The following COL11A1 variants were observed in gnomAD, a reference collection of about 807,000 sequenced individuals.
COL11A1 encodes the protein collagen type XI alpha 1 chain, also known as collagen alpha-1(XI) chain.
Under a neutral mutation model 265.2 loss-of-function variants are expected in COL11A1, and 74 were observed. That is an observed-to-expected ratio of 0.28 (90% CI 0.23 to 0.34). COL11A1 has a LOEUF of 0.34. Among genes scored for constraint, COL11A1 ranks in the 10% least tolerant of loss-of-function variants. The pLI is 1.00. For synonymous variants in COL11A1, 816 were observed against 727.6 expected, an observed-to-expected ratio of 1.12 and a Z score of -1.96; for missense variants, 2,165 against 2,263.6, an observed-to-expected ratio of 0.96 and a Z score of 0.88.
intron 4 of COL11A1, among the ~76,000 whole-genome samples, chr1:103,048,720 T>C (rs1426130374): frequency 6.6e-6 from 1 of 152,208 alleles, no homozygotes; most frequent in Non-Finnish European, 1.5e-5. Context: ...TTTCCTGCTT[T>C]CTCTTGTGGG....
intron 1 of COL11A1, among the ~76,000 whole-genome samples, chr1:103,103,743 T>C (rs1674476673): frequency 2.1e-5 from 1 of 48,602 alleles, no homozygotes. Context: ...GTAATAGTTG[T>C]TGATTGCACA....
intron 41 of COL11A1, among the ~76,000 whole-genome samples, chr1:102,947,403 G>A (rs2615988): frequency 0.012 from 1,877 of 151,716 alleles, 44 homozygotes; most frequent in African/African-American, 0.043. Flanking sequence ...GCTGAACCAA[G>A]GTTTCAAAAT....
At position 102,979,115 on chromosome 1, in the gene COL11A1, C is replaced by A. The variant is rs773094275; in HGVS notation, c.2611-11G>T. The A allele has an allele frequency of 6.2e-7, 1 of 1,613,714 alleles. No individual in the cohort carries two copies. Among genetic ancestry groups the A allele is most frequent in the Admixed American group, 1.7e-5 (1 of 60,000 alleles). Reference sequence around the variant, plus strand: ...TTTGCCAGCTACTCCCTAGCAAAGACAGTTCAATTTCAATATGCAGTATAT... The same window carrying A: ...TTTGCCAGCTACTCCCTAGCAAAGAAAGTTCAATTTCAATATGCAGTATAT... On this transcript the variant is annotated splice_polypyrimidine_tract_variant and intron_variant, in intron 32 of 66. Transcript: ENST00000370096.
At chr1:102,946,443 A>G (rs1295787197) in intron 42 of COL11A1, among the ~76,000 whole-genome samples, 1 of 152,104 alleles carries the variant, frequency 6.6e-6, no homozygotes, top group Non-Finnish European at 1.5e-5. Flanking sequence ...AAGGGCAGCT[A>G]TTTTCTATGA....
intron 4 of COL11A1, among the ~76,000 whole-genome samples, chr1:103,062,405 T>C (rs540282581): frequency 6.6e-5 from 10 of 152,026 alleles, no homozygotes; most frequent in African/African-American, 2.4e-4. Flanking sequence ...ATATCTCTCA[T>C]GAACATAAAT....
chr1:103,052,176 C>G (rs116123528), intron 4 of COL11A1, among the ~76,000 whole-genome samples: 1 of 151,912 alleles, frequency 6.6e-6, no homozygotes, highest in Non-Finnish European at 1.5e-5. Flanking sequence ...TTATTTGAAC[C>G]AATATTCAAC....
intron 42 of COL11A1, 122 bp from the exon 43 acceptor site, chr1:102,940,556 G>C: frequency 1.4e-6 from 1 of 729,328 alleles, no homozygotes; most frequent in Non-Finnish European, 2.3e-6. Context: ...ACATTTTAAA[G>C]AATAAATGAT....
intron 1 of COL11A1, among the ~76,000 whole-genome samples, chr1:103,083,827 T>C (rs1248413126): frequency 1.3e-5 from 2 of 152,160 alleles, no homozygotes; most frequent in African/African-American, 2.4e-5. Context: ...CACATTTTTT[T>C]TGTAGTCTTA....
chr1:102,946,252 C>A (rs1480402284), intron 42 of COL11A1, among the ~76,000 whole-genome samples: 1 of 149,456 alleles, frequency 6.7e-6, no homozygotes, highest in Non-Finnish European at 1.5e-5. Context: ...GGGTGCAGCA[C>A]ACCAGCATGG....
chr1:102,947,662 T>C (rs1358975325), intron 41 of COL11A1, among the ~76,000 whole-genome samples: 2 of 151,998 alleles, frequency 1.3e-5, no homozygotes, highest in African/African-American at 4.8e-5. Context: ...AGTTTGCTTT[T>C]TTAAAAAACC....
chr1:103,011,091 G>A (rs1054698551), intron 14 of COL11A1, among the ~76,000 whole-genome samples: 2 of 152,030 alleles, frequency 1.3e-5, no homozygotes, highest in African/African-American at 2.4e-5. Flanking sequence ...AATTACAGTC[G>A]CTGGTTCCAA....
chr1:103,108,286 G>T lies in COL11A1; in HGVS notation c.-108C>A, dbSNP rs1422456852. The T allele has an allele frequency of 6.0e-6, 5 of 834,336 alleles. No homozygotes were observed. The highest frequency in any genetic ancestry group is 1.0e-5 in the Non-Finnish European group (5 of 489,960). The allele number at this position is 834,336 out of a possible 1,614,324, so 51.7% of individuals were successfully genotyped here. On this transcript the variant is annotated 5_prime_UTR_variant, in exon 1 of 67. Coordinates refer to ENST00000370096, the MANE Select transcript of COL11A1 (RefSeq NM_001854.4). ...CAGGGATGTTTGCTACACAGCCATT[G>T]GGGAGGGAGAGGGGGAAAAAGTCAA...
intron 1 of COL11A1, among the ~76,000 whole-genome samples, chr1:103,084,748 GT>G (rs1672720979): frequency 6.6e-6 from 1 of 152,122 alleles, no homozygotes; most frequent in East Asian, 1.9e-4. Flanking sequence ...ATTACTCAAT[GT>G]ACAGTAAGTC....
At chr1:103,084,063 T>G (rs1260658394) in intron 1 of COL11A1, among the ~76,000 whole-genome samples, 1 of 152,196 alleles carries the variant, frequency 6.6e-6, no homozygotes, top group Non-Finnish European at 1.5e-5. Context: ...TTTGGTATAT[T>G]GTACTATTAT....
chr1:102,931,533 T>C (rs945735983), intron 46 of COL11A1, among the ~76,000 whole-genome samples: 8 of 152,324 alleles, frequency 5.3e-5, no homozygotes, highest in Non-Finnish European at 1.0e-4. Flanking sequence ...AATTTTGGAA[T>C]AGGTGTTTTG....
At chr1:102,958,173 T>G (rs994061293) in intron 41 of COL11A1, among the ~76,000 whole-genome samples, 5 of 152,138 alleles carry the variant, frequency 3.3e-5, no homozygotes, top group African/African-American at 1.2e-4. Context: ...GAAGATGTTC[T>G]TATGCCTTTA....
chr1:102,899,561 T>A (rs923243611), intron 54 of COL11A1, among the ~76,000 whole-genome samples: 1 of 152,134 alleles, frequency 6.6e-6, no homozygotes, highest in Admixed American at 6.5e-5. Flanking sequence ...AATATCACTT[T>A]TTAAATCCTA....
At chr1:102,968,024 T>C (rs1661614307) in intron 37 of COL11A1, among the ~76,000 whole-genome samples, 1 of 152,194 alleles carries the variant, frequency 6.6e-6, no homozygotes, top group African/African-American at 2.4e-5. Flanking sequence ...GCATTGCCCA[T>C]ATGTCTGCTC....
intron 38 of COL11A1, among the ~76,000 whole-genome samples, chr1:102,964,861 A>G (rs982896408): frequency 6.6e-6 from 1 of 152,170 alleles, no homozygotes; most frequent in Non-Finnish European, 1.5e-5. Context: ...ATTTTCTATT[A>G]CCATGAATTA....
Sources: allele counts gnomAD v4.1 joint callset (sites outside exome capture counted in the v4.1 genomes callset), GRCh38; gene constraint gnomAD v4.1.1; transcripts MANE v1.5; gene names NCBI Gene and HGNC (gene_info 2026-07-23, HGNC 2026-07-21).